PPP2R1B: variants seen among roughly 807,000 people sequenced by gnomAD.
The protein encoded by PPP2R1B is serine/threonine-protein phosphatase 2A 65 kDa regulatory subunit A beta isoform.
Under a neutral mutation model 72.7 loss-of-function variants are expected in PPP2R1B, and 58 were observed. The ratio of observed to expected loss-of-function variants is 0.80; its 90% CI spans 0.65 to 0.99. PPP2R1B has a LOEUF of 0.99. Ranked by LOEUF, PPP2R1B falls within the 50% of genes least tolerant of loss-of-function variation. PPP2R1B has a pLI of 0.00. For synonymous variants in PPP2R1B, 256 were observed against 264.6 expected (o/e 0.97, Z 0.32); for missense variants, 695 against 733.6 (o/e 0.95, Z 0.61).
At chr11:111,715,187 GCACT>G in the PPP2R1B span, among the ~76,000 whole-genome samples, 1 of 152,196 alleles carries the variant, frequency 6.6e-6, no homozygotes, top group Non-Finnish European at 1.5e-5. Context: ...TGCCATGCTG[GCACT>G]CAGTCAGGCC....
the PPP2R1B span, among the ~76,000 whole-genome samples, chr11:111,693,059 C>T: frequency 6.6e-6 from 1 of 152,096 alleles, no homozygotes; most frequent in East Asian, 1.9e-4. Flanking sequence ...ACAGGCCGGG[C>T]GCAGTGGCTC....
the PPP2R1B span, among the ~76,000 whole-genome samples, chr11:111,702,647 C>T: frequency 6.6e-6 from 1 of 152,084 alleles, no homozygotes; most frequent in African/African-American, 2.4e-5. Flanking sequence ...AGGAGGTTAC[C>T]TTATGTGTGA....
chr11:111,759,149 G>A (rs1555050504), intron 5 of PPP2R1B, among the ~76,000 whole-genome samples: 1 of 152,154 alleles, frequency 6.6e-6, no homozygotes, highest in Non-Finnish European at 1.5e-5. Flanking sequence ...CTCCACTACT[G>A]CTAACTATGC....
rs1049110913 is a variant in PPP2R1B at position 111,741,138 on chromosome 11, A to C, written c.*458T>G. The C allele has an allele frequency of 8.1e-6, 8 of 988,884 alleles. No individual in the cohort carries two copies. Among genetic ancestry groups the C allele is most frequent in the Non-Finnish European group, 9.6e-6 (8 of 831,918 alleles). The allele number at this position is 988,884 out of a possible 1,614,324, so 61.3% of individuals were successfully genotyped here. ...GGTCAAATCTCAACATGTCTCCCGA[A>C]GAGTTTATAAAATAAGTTATTCTAA... On this transcript the variant is annotated 3_prime_UTR_variant, in exon 15 of 15. Transcript: ENST00000527614.
chr11:111,730,295 C>G (rs1403358811), intron 15 of PPP2R1B: 1 of 152,218 alleles, frequency 6.6e-6, no homozygotes, highest in African/African-American at 2.4e-5. Flanking sequence ...TGGTGTCTGT[C>G]TGCAGAAGAT....
rs926163430 is a variant in PPP2R1B, at chr11:111,740,249, G to A, written c.*1347C>T. 37 of 977,266 alleles carry A rather than the reference G, an allele frequency of 3.8e-5. No individual in the cohort carries two copies. In the African/African-American group the frequency reaches 5.3e-4, roughly 14 times the overall value. 60.5% of individuals were successfully genotyped at this position (977,266 alleles called of 1,614,324 possible). A position where few individuals can be genotyped will look rare whatever the true frequency, so the allele number is the denominator to read the frequency against. ...TTGTTTTTTTTTGAGATGGACTCTCGCTCTATGGCCCAGGCTAGAGTGCAG... is the reference window on the plus strand; with the variant it reads ...TTGTTTTTTTTTGAGATGGACTCTCACTCTATGGCCCAGGCTAGAGTGCAG... On this transcript the variant is annotated 3_prime_UTR_variant, in exon 15 of 15. Transcript: ENST00000527614.
In PPP2R1B at chr11:111,738,122, G is replaced by GA. The variant is rs1351798852; in HGVS notation, c.*3473dup. 67 of 987,964 alleles carry GA rather than the reference G, an allele frequency of 6.8e-5. No individual in the cohort carries two copies. The Middle Eastern group carries it at 2.1e-3, about 30-fold the overall frequency. The allele number at this position is 987,964 out of a possible 1,614,324, so 61.2% of individuals were successfully genotyped here. A position where few individuals can be genotyped will look rare whatever the true frequency, so the allele number is the denominator to read the frequency against. On this transcript the variant is annotated 3_prime_UTR_variant, in exon 15 of 15. Transcript: ENST00000527614. ...AAAGAGGAGAGTAAGGAACTGGATG[G>GA]AAACAGGAATACTGGAGAATCAAAG... is the stretch of plus-strand genomic sequence containing the variant.
At chr11:111,741,844 T>A (rs937806217) in intron 14 of PPP2R1B, among the ~76,000 whole-genome samples, 1 of 152,166 alleles carries the variant, frequency 6.6e-6, no homozygotes, top group African/African-American at 2.4e-5. Context: ...CAGTCCTACA[T>A]GTAACTAAGA....
rs1434312484 is a variant in PPP2R1B at position 111,740,024 on chromosome 11, A to AT, written c.*1571_*1572insA. On this transcript the variant is annotated 3_prime_UTR_variant, in exon 15 of 15. Coordinates refer to ENST00000527614, the MANE Select transcript of PPP2R1B (RefSeq NM_002716.5). ...TTATGTAACAAATATACAAAGTCTT[A>AT]GAGGAGTCTTTGGGCCTTCACTAAA... is the stretch of plus-strand genomic sequence containing the variant. 9 of 982,970 alleles carry AT rather than the reference A, an allele frequency of 9.2e-6. No individual in the cohort carries two copies. Among genetic ancestry groups the AT allele is most frequent in the Non-Finnish European group, 1.1e-5 (9 of 827,782 alleles). 60.9% of individuals were successfully genotyped at this position (982,970 alleles called of 1,614,324 possible).
chr11:111,740,988 G>C lies in PPP2R1B; in HGVS notation c.*608C>G, dbSNP rs117748031. 8.7e-3 allele frequency: 8,587 copies of C among 985,710 alleles called. 45 individuals are homozygous for C. Among genetic ancestry groups the C allele is most frequent in the Middle Eastern group, 0.025 (48 of 1,916 alleles). 61.1% of individuals were successfully genotyped at this position (985,710 alleles called of 1,614,324 possible). A position where few individuals can be genotyped will look rare whatever the true frequency, so the allele number is the denominator to read the frequency against. On this transcript the variant is annotated 3_prime_UTR_variant, in exon 15 of 15. Transcript: ENST00000527614. ...CACTTCAGGTTTCTGAATGACATGA[G>C]TACAGACAAAATTGAGCAAATAAAA... is the stretch of plus-strand genomic sequence containing the variant.
At chr11:111,754,709 T>C in intron 7 of PPP2R1B, 140 bp from the exon 8 acceptor site, 1 of 1,413,498 alleles carries the variant, frequency 7.1e-7, no homozygotes, top group African/African-American at 1.5e-5. Flanking sequence ...TTGTTCTAAA[T>C]AAACTTTTTC....
downstream of PPP2R1B, chr11:111,724,229 C>G: frequency 6.8e-7 from 1 of 1,462,294 alleles, no homozygotes; most frequent in Non-Finnish European, 9.1e-7. Context: ...TTGCCCTCTC[C>G]CTAACGGGGA....
chr11:111,734,979 C>A (rs1248968787), downstream of PPP2R1B, among the ~76,000 whole-genome samples: 5 of 152,226 alleles, frequency 3.3e-5, no homozygotes. Context: ...CCAGCAGGTG[C>A]TGATTAAATC....
the PPP2R1B span, among the ~76,000 whole-genome samples, chr11:111,692,411 A>G: frequency 3.5e-5 from 5 of 141,082 alleles, no homozygotes; most frequent in African/African-American, 1.0e-4. Flanking sequence ...AGAGGGAGAG[A>G]GAGAGATAGA....
chr11:111,695,419 T>A, the PPP2R1B span, among the ~76,000 whole-genome samples: 1 of 151,918 alleles, frequency 6.6e-6, no homozygotes, highest in Admixed American at 6.6e-5. Flanking sequence ...TTTCCTGTTT[T>A]AAAAAAAAGG....
downstream of PPP2R1B, chr11:111,724,173 A>G (rs1297695383): frequency 2.6e-6 from 4 of 1,559,802 alleles, no homozygotes; most frequent in African/African-American, 2.7e-5. Flanking sequence ...GGAAGAGTGT[A>G]TGTTCCTATT....
rs1555051147 is a variant in PPP2R1B at position 111,760,887 on chromosome 11, T to C, written c.471A>G (p.Thr157=). 1 of 1,614,086 alleles carries C rather than the reference T, an allele frequency of 6.2e-7. No individual in the cohort carries two copies. Among genetic ancestry groups the C allele is most frequent in the Non-Finnish European group, 8.5e-7 (1 of 1,180,044 alleles). ...LASGDWFTSR[T]SACGLFSVCY... ...AAACGCTGAACAAACCACATGCAGA[T>C]GTGCGAGAGGTGAACCAATCCCCAC... Residue 157 remains threonine, a synonymous_variant, in exon 4 of 15, where the codon ACA becomes ACG. Coordinates refer to ENST00000527614, the MANE Select transcript of PPP2R1B (RefSeq NM_002716.5).
At chr11:111,720,731 C>A in the PPP2R1B span, 1 of 1,605,806 alleles carries the variant, frequency 6.2e-7, no homozygotes, top group Non-Finnish European at 8.5e-7. Context: ...TCAGAGAGGG[C>A]CGCAGAGCAT....
At chr11:111,752,128 C>G (rs782480156) in intron 10 of PPP2R1B, 31 bp downstream of exon 10, 23 of 1,571,140 alleles carry the variant, frequency 1.5e-5, no homozygotes, top group Non-Finnish European at 1.9e-5. Context: ...TCTGACACTA[C>G]CCTGCAGTTC....
Sources: allele counts gnomAD v4.1 joint callset (sites outside exome capture counted in the v4.1 genomes callset), GRCh38; gene constraint gnomAD v4.1.1; transcripts MANE v1.5; gene names NCBI Gene and HGNC (gene_info 2026-07-23, HGNC 2026-07-21).